The following COL18A1 variants were observed in gnomAD, a reference collection of about 807,000 sequenced individuals.
The protein encoded by COL18A1 is collagen alpha-1(XVIII) chain.
In COL18A1, 133 loss-of-function variants were observed where a neutral mutation model predicts 168.0. The ratio of observed to expected loss-of-function variants is 0.79; its 90% CI spans 0.69 to 0.91. COL18A1 has a LOEUF of 0.91. Among genes scored for constraint, COL18A1 ranks in the 40% least tolerant of loss-of-function variants. The pLI, the probability that COL18A1 is intolerant of heterozygous loss-of-function variation, is 0.00. For synonymous variants in COL18A1, 949 were observed against 809.0 expected, an observed-to-expected ratio of 1.17 and a Z score of -2.94; for missense variants, 2,126 against 1,925.4, an observed-to-expected ratio of 1.10 and a Z score of -1.95.
At chr21:45,495,070 G>A (rs2036485437) in intron 28 of COL18A1, 155 bp downstream of exon 28, 1 of 728,632 alleles carries the variant, frequency 1.4e-6, no homozygotes, top group Admixed American at 2.4e-5. Context: ...CGCAGCTCTT[G>A]TCCTGGATGT....
chr21:45,496,861 G>C lies in COL18A1; in HGVS notation c.2578-189G>C, dbSNP rs2838948. 0.02 allele frequency among the ~76,000 whole-genome samples: 3,068 copies of C among 152,310 alleles called. 115 individuals are homozygous for C. The highest frequency in any genetic ancestry group is 0.07 in the African/African-American group (2,900 of 41,562). On this transcript the variant is annotated intron_variant, in intron 30 of 41. Coordinates refer to ENST00000651438, the MANE Select transcript of COL18A1 (RefSeq NM_001379500.1). ...GGCTCAGCAAGGTGAAGTGACCAAT[G>C]AGGGCCAAGTGGCGTCAGGCCGTGG...
intron 2 of COL18A1, among the ~76,000 whole-genome samples, chr21:45,465,758 G>A (rs1055497255): frequency 6.6e-6 from 1 of 151,694 alleles, no homozygotes; most frequent in Non-Finnish European, 1.5e-5. Flanking sequence ...CGAGGAGTCA[G>A]GCTGGGCTGG....
intron 2 of COL18A1, among the ~76,000 whole-genome samples, chr21:45,453,749 A>G (rs2034709343): frequency 6.6e-6 from 1 of 152,292 alleles, no homozygotes; most frequent in African/African-American, 2.4e-5. Context: ...GTGGGTGCTC[A>G]GTGCCATGGG....
intron 3 of COL18A1, among the ~76,000 whole-genome samples, chr21:45,470,376 G>A (rs1177911276): frequency 7.0e-6 from 1 of 142,350 alleles, no homozygotes; most frequent in Non-Finnish European, 1.5e-5. Flanking sequence ...CTTTGGTTTT[G>A]CATGCTGCAG....
At position 45,477,983 on chromosome 21, in the gene COL18A1, C is replaced by G. The variant is rs1156370859; in HGVS notation, c.1221+18C>G. 1 of 1,335,890 alleles carries G rather than the reference C, an allele frequency of 7.5e-7. No individual in the cohort carries two copies. Among genetic ancestry groups the G allele is most frequent in the Admixed American group, 2.0e-5 (1 of 50,692 alleles). The allele number at this position is 1,335,890 out of a possible 1,614,324, so 82.8% of individuals were successfully genotyped here. On this transcript the variant is annotated intron_variant, in intron 8 of 41. Coordinates refer to ENST00000651438, the MANE Select transcript of COL18A1 (RefSeq NM_001379500.1). Reference sequence around the variant, plus strand: ...GCGAGCCGGTGAGTCCTCACGTCCCCCCGAGTCCGGCCCGGTCTGGAGGGT... The same window carrying G: ...GCGAGCCGGTGAGTCCTCACGTCCCGCCGAGTCCGGCCCGGTCTGGAGGGT...
chr21:45,485,762 C>T (rs2036086887), intron 15 of COL18A1, among the ~76,000 whole-genome samples: 1 of 152,212 alleles, frequency 6.6e-6, no homozygotes, highest in Admixed American at 6.5e-5. Flanking sequence ...CTTGGAGGCC[C>T]AGCCCCTGTG....
At chr21:45,494,481 C>T in intron 26 of COL18A1, 64 bp from the exon 27 acceptor site, 1 of 1,611,464 alleles carries the variant, frequency 6.2e-7, no homozygotes, top group Non-Finnish European at 8.5e-7. Context: ...CAGGGGCCCT[C>T]AGAGAGGCTG....
In COL18A1 at chr21:45,457,091, C is replaced by T. The variant is rs529770871; in HGVS notation, c.107-11151C>T. Among the ~76,000 whole-genome samples the T allele has an allele frequency of 2.0e-5, 3 of 152,202 alleles. No individual in the cohort carries two copies. The highest frequency in any genetic ancestry group is 6.5e-5 in the Admixed American group (1 of 15,298). On this transcript the variant is annotated intron_variant, in intron 2 of 41. Coordinates refer to ENST00000651438, the MANE Select transcript of COL18A1 (RefSeq NM_001379500.1). The surrounding 1 kb of genome is among the most constrained non-coding windows in gnomAD (Gnocchi z 4.6). Reference sequence around the variant, plus strand: ...TGGACAGGAAGAGGGCTGGATGAACCGCAGCCGATGTGTCCAGGTGCCACC... The same window carrying T: ...TGGACAGGAAGAGGGCTGGATGAACTGCAGCCGATGTGTCCAGGTGCCACC...
Position 45,512,428 on chromosome 21 carries a change from G to A in COL18A1, c.*30G>A, listed in dbSNP as rs373537387. The A allele has an allele frequency of 2.2e-4, 352 of 1,602,316 alleles. 5 individuals carry two copies. The Middle Eastern group carries it at 2.9e-3, about 13-fold the overall frequency. ...CGCCTGGATGCGGATGGCCGGAGAGGACCGGCGGCTCGGAGGAAGCCCCCA... is the reference window on the plus strand; with the variant it reads ...CGCCTGGATGCGGATGGCCGGAGAGAACCGGCGGCTCGGAGGAAGCCCCCA... On this transcript the variant is annotated 3_prime_UTR_variant, in exon 42 of 42. Transcript: ENST00000651438.
chr21:45,458,649 G>A (rs1312788386), intron 2 of COL18A1, among the ~76,000 whole-genome samples: 2 of 152,178 alleles, frequency 1.3e-5, no homozygotes, highest in East Asian at 3.9e-4. Context: ...ACTGACTGGA[G>A]GGACCCGGGT....
chr21:45,510,220 C>A lies in COL18A1; in HGVS notation c.3652C>A (p.Arg1218Ser). Residue 1218 changes from arginine (R) to serine (S), a missense_variant, in exon 40 of 42, where the codon CGC (arginine) becomes AGC (serine). Coordinates refer to ENST00000651438, the MANE Select transcript of COL18A1 (RefSeq NM_001379500.1). Reference sequence around the variant, plus strand: ...CCTGCAGGACCTGTACAGCATCGTGCGCCGTGCCGACCGCGCAGCCGTGCC... The same window carrying A: ...CCTGCAGGACCTGTACAGCATCGTGAGCCGTGCCGACCGCGCAGCCGTGCC... Reference protein sequence around the residue: ...SRLQDLYSIVRRADRAAVPIV... With the variant: ...SRLQDLYSIVSRADRAAVPIV... 1 of 1,606,004 alleles carries A rather than the reference C, an allele frequency of 6.2e-7. No individual in the cohort carries two copies. The highest frequency in any genetic ancestry group is 8.5e-7 in the Non-Finnish European group (1 of 1,176,984).
In COL18A1 at chr21:45,425,169, T is replaced by G. The variant is rs2033755280; in HGVS notation, c.106+19696T>G. The G allele has an allele frequency of 6.6e-6, 1 of 152,244 alleles. No homozygotes were observed. The highest frequency in any genetic ancestry group is 2.1e-4 in the South Asian group (1 of 4,824). 9.4% of individuals were successfully genotyped at this position (152,244 alleles called of 1,614,324 possible). ...TGGGTGGGCAGCACCACCCACCGCC[T>G]CCTTCCTCACACCAGTCTTGGGCTG... On this transcript the variant is annotated intron_variant, in intron 2 of 41. Coordinates refer to ENST00000651438, the MANE Select transcript of COL18A1 (RefSeq NM_001379500.1). This position sits in a 1 kb window ranked among gnomAD's most constrained non-coding sequence, Gnocchi z 4.1.
chr21:45,491,525 G>A (rs1238468058), intron 22 of COL18A1, among the ~76,000 whole-genome samples: 3 of 151,278 alleles, frequency 2.0e-5, no homozygotes, highest in East Asian at 1.9e-4. Context: ...TGGAGACACC[G>A]AGGAGAGGGG....
rs754020756 is a variant in COL18A1, at chr21:45,456,500, G to A, written c.107-11742G>A. The A allele has an allele frequency of 3.3e-5, 51 of 1,548,150 alleles. 1 individual carries two copies. In the South Asian group the frequency reaches 3.5e-4, roughly 10 times the overall value. ...TCTTGCTAATAACTCTGCCCTGCTCGGGGCTGACCCCGAGGCCCCCGCCGG... is the reference window on the plus strand; with the variant it reads ...TCTTGCTAATAACTCTGCCCTGCTCAGGGCTGACCCCGAGGCCCCCGCCGG... On this transcript the variant is annotated intron_variant, in intron 2 of 41. Transcript: ENST00000651438.
intron 14 of COL18A1, chr21:45,482,358 C>T (rs964913744): frequency 7.3e-6 from 5 of 680,890 alleles, no homozygotes; most frequent in African/African-American, 5.2e-5. Context: ...GCCGGGGCCC[C>T]AGGCGTTTGT....
At chr21:45,444,248 C>T (rs557571379) in intron 2 of COL18A1, among the ~76,000 whole-genome samples, 8 of 152,288 alleles carry the variant, frequency 5.3e-5, no homozygotes, top group East Asian at 1.9e-4. Context: ...TTCAGTGCTG[C>T]GAGCAGGCTG....
intron 25 of COL18A1, 24 bp from the exon 26 acceptor site, chr21:45,493,477 C>G (rs1476630220): frequency 1.7e-5 from 27 of 1,548,702 alleles, no homozygotes; most frequent in Non-Finnish European, 2.2e-5. Flanking sequence ...GGCCCTGACT[C>G]TGCTGGACCT....
At position 45,509,515 on chromosome 21, in the gene COL18A1, G is replaced by A; in HGVS notation, c.3409G>A (p.Ala1137Thr). The change falls in exon 39 of 42, where the codon GCC becomes ACC. Residue 1137 changes from alanine (A) to threonine (T), a missense_variant. Ala to Thr is a moderately conservative substitution (Grantham distance 58). Transcript: ENST00000651438. Reference sequence around the variant, plus strand: ...GCCCGAGCCCCAGCCCTACCCCGGAGCCCCGCACCACAGCTCCTACGTGCA... The same window carrying A: ...GCCCGAGCCCCAGCCCTACCCCGGAACCCCGCACCACAGCTCCTACGTGCA... Reference protein sequence around the residue: ...RLPEPQPYPGAPHHSSYVHLR... With the variant: ...RLPEPQPYPGTPHHSSYVHLR... 1.3e-6 allele frequency: 2 copies of A among 1,533,864 alleles called. No individual in the cohort carries two copies. Among genetic ancestry groups the A allele is most frequent in the Non-Finnish European group, 1.8e-6 (2 of 1,139,502 alleles).
intron 32 of COL18A1, chr21:45,503,783 T>TAAC (rs547575685): frequency 1.6e-4 from 37 of 236,814 alleles, no homozygotes; most frequent in Admixed American, 6.5e-4. Context: ...ACTTAAAGTA[T>TAAC]AATAATAAAT....
Sources: gnomAD v4.1 joint callset for allele counts (sites outside exome capture counted in the v4.1 genomes callset) on GRCh38, gnomAD v4.1.1 for gene constraint, Gnocchi (gnomAD v3.1) non-coding constraint, MANE v1.5 for transcripts, NCBI Gene and HGNC (gene_info 2026-07-23, HGNC 2026-07-21) for gene names.